SCGB2B2: variants seen among roughly 807,000 people sequenced by gnomAD.
The protein encoded by SCGB2B2 is secretoglobin-like protein.
A neutral mutation model predicts 7.6 loss-of-function variants in SCGB2B2; 11 were observed. The observed-to-expected ratio is 1.45, with a 90% CI of 0.91 to 2.40. The LOEUF (loss-of-function observed/expected upper bound fraction) is 2.40. SCGB2B2 is among the 30% of genes most tolerant of loss of function. SCGB2B2 has a pLI of 0.00. For synonymous variants in SCGB2B2, 50 were observed against 48.6 expected (o/e 1.03, Z -0.12); for missense variants, 104 against 115.4 (o/e 0.90, Z 0.45).
chr19:34,629,960 A>G (rs538064777), intron 1 of SCGB2B2, among the ~76,000 whole-genome samples: 26 of 152,006 alleles, frequency 1.7e-4, no homozygotes, highest in Admixed American at 8.5e-4. Flanking sequence ...ATAATGCTGC[A>G]TATCTACAAC....
At chr19:34,657,075 T>C (rs967332006) in intron 1 of SCGB2B2, among the ~76,000 whole-genome samples, 4 of 151,292 alleles carry the variant, frequency 2.6e-5, no homozygotes, top group African/African-American at 9.9e-5. Flanking sequence ...AGTTTTTGAA[T>C]GCTGAATACG....
intron 1 of SCGB2B2, among the ~76,000 whole-genome samples, chr19:34,639,683 A>C (rs2198902): frequency 6.6e-6 from 1 of 151,964 alleles, no homozygotes; most frequent in South Asian, 2.1e-4. Flanking sequence ...CACCACCAGG[A>C]GGCGCTCTTT....
At chr19:34,594,474 C>T in intron 2 of SCGB2B2, 29 bp downstream of exon 2, 1 of 1,610,762 alleles carries the variant, frequency 6.2e-7, no homozygotes, top group South Asian at 1.1e-5. Flanking sequence ...GCCACCGCTT[C>T]CTCCCAGCCC....
chr19:34,640,532 CTTTAGATACT>C (rs2066812031), intron 1 of SCGB2B2: 4 of 152,102 alleles, frequency 2.6e-5, no homozygotes, highest in Admixed American at 2.6e-4. Flanking sequence ...GTGGCTATTT[CTTTAGATACT>C]TTTATCAAAT....
chr19:34,617,755 T>G (rs1381795894), intron 1 of SCGB2B2, among the ~76,000 whole-genome samples: 1 of 152,198 alleles, frequency 6.6e-6, no homozygotes, highest in Non-Finnish European at 1.5e-5. Context: ...GACATCCCTG[T>G]CTTGTGCCAG....
chr19:34,666,526 G>A (rs891850760), intron 1 of SCGB2B2, among the ~76,000 whole-genome samples: 17 of 152,196 alleles, frequency 1.1e-4, no homozygotes, highest in East Asian at 5.8e-4. Context: ...GGAAGGGGGC[G>A]GGTACCTGGC....
intron 1 of SCGB2B2, among the ~76,000 whole-genome samples, chr19:34,644,114 G>C (rs1004319548): frequency 6.6e-6 from 1 of 152,182 alleles, no homozygotes; most frequent in African/African-American, 2.4e-5. Context: ...CTATTGGGAT[G>C]ATGGGTAACG....
At chr19:34,622,042 C>T (rs1013956463) in intron 1 of SCGB2B2, among the ~76,000 whole-genome samples, 1 of 152,092 alleles carries the variant, frequency 6.6e-6, no homozygotes, top group Middle Eastern at 3.2e-3. Context: ...GCAGTTCTGC[C>T]GCATTATGTG....
At chr19:34,631,240 T>G (rs1411307929) in intron 1 of SCGB2B2, among the ~76,000 whole-genome samples, 1 of 151,994 alleles carries the variant, frequency 6.6e-6, no homozygotes, top group Non-Finnish European at 1.5e-5. Flanking sequence ...GTTGTGCACA[T>G]GTACCCTAAA....
rs1409438213 is a variant in SCGB2B2 at position 34,592,715 on chromosome 19, C to T, written c.*840G>A. Among the ~76,000 whole-genome samples the T allele has an allele frequency of 6.6e-6, 1 of 152,164 alleles. No individual in the cohort carries two copies. Among genetic ancestry groups the T allele is most frequent in the Admixed American group, 6.5e-5 (1 of 15,284 alleles). On this transcript the variant is annotated 3_prime_UTR_variant, in exon 4 of 4. Coordinates refer to ENST00000601241, the MANE Select transcript of SCGB2B2 (RefSeq NM_001025591.4). ...AGAGAGGGGCCGTGTTTGAGGGTGGCACTCGTTCCCTGTGACCTCAATGTC... is the reference window on the plus strand; with the variant it reads ...AGAGAGGGGCCGTGTTTGAGGGTGGTACTCGTTCCCTGTGACCTCAATGTC...
chr19:34,648,010 G>A (rs1600064030), intron 1 of SCGB2B2, among the ~76,000 whole-genome samples: 1 of 152,216 alleles, frequency 6.6e-6, no homozygotes, highest in African/African-American at 2.4e-5. Context: ...AAGGGGCAGT[G>A]GGGAAGGGGG....
chr19:34,658,811 A>G (rs2067359891), intron 1 of SCGB2B2, among the ~76,000 whole-genome samples: 2 of 60,248 alleles, frequency 3.3e-5, no homozygotes, highest in Non-Finnish European at 8.2e-5. Context: ...CAACAACAAC[A>G]ACAAAAAAAA....
intron 1 of SCGB2B2, among the ~76,000 whole-genome samples, chr19:34,654,076 A>T (rs1486582958): frequency 4.0e-5 from 6 of 151,152 alleles, no homozygotes; most frequent in Admixed American, 2.6e-4. Context: ...CATTATTTTG[A>T]TTATTATGGT....
chr19:34,667,925 G>A (rs1256680394), intron 1 of SCGB2B2, among the ~76,000 whole-genome samples: 3 of 151,996 alleles, frequency 2.0e-5, no homozygotes, highest in Non-Finnish European at 4.4e-5. Flanking sequence ...CCCCTCTGCT[G>A]ATTTTGCCCC....
At chr19:34,600,022 CTGT>C (rs2065578749) in intron 1 of SCGB2B2, among the ~76,000 whole-genome samples, 1 of 151,712 alleles carries the variant, frequency 6.6e-6, no homozygotes, top group African/African-American at 2.4e-5. Flanking sequence ...GAGTAGACCA[CTGT>C]CCTGATTTTA....
chr19:34,615,762 GTA>G (rs1416169657), intron 1 of SCGB2B2, among the ~76,000 whole-genome samples: 2 of 151,948 alleles, frequency 1.3e-5, no homozygotes, highest in African/African-American at 2.4e-5. Context: ...GGTTACATAT[GTA>G]TACATGTGCC....
intron 1 of SCGB2B2, among the ~76,000 whole-genome samples, chr19:34,655,447 A>T (rs11670854): frequency 0.55 from 83,568 of 150,664 alleles, 24,752 homozygotes; most frequent in Middle Eastern, 0.69. Context: ...AATCAGAAAA[A>T]TTTTAAAACT....
chr19:34,602,444 G>A lies in SCGB2B2; in HGVS notation c.-2031-5850C>T, dbSNP rs373796372. On this transcript the variant is annotated intron_variant, in intron 1 of 3. Transcript: ENST00000601241. ...TAAATGAATCAGGGGATGCAGTGGCGGTTTCCACTTATTCTAAGAGATCTA... is the reference window on the plus strand; with the variant it reads ...TAAATGAATCAGGGGATGCAGTGGCAGTTTCCACTTATTCTAAGAGATCTA... Among the ~76,000 whole-genome samples, 66 of 152,032 alleles carry A rather than the reference G, an allele frequency of 4.3e-4. 1 individual carries two copies. The highest frequency in any genetic ancestry group is 1.3e-3 in the East Asian group (7 of 5,198).
At chr19:34,641,098 C>T (rs530492377) in intron 1 of SCGB2B2, among the ~76,000 whole-genome samples, 2 of 151,766 alleles carry the variant, frequency 1.3e-5, no homozygotes, top group Non-Finnish European at 2.9e-5. Context: ...AGATTATGAC[C>T]AATTGGACTC....
Sources: allele counts gnomAD v4.1 joint callset (sites outside exome capture counted in the v4.1 genomes callset), GRCh38; gene constraint gnomAD v4.1.1; transcripts MANE v1.5; gene names NCBI Gene and HGNC (gene_info 2026-07-23, HGNC 2026-07-21).